PAG1: variants seen among roughly 807,000 people sequenced by gnomAD.
PAG1 encodes the protein phosphoprotein associated with glycosphingolipid-enriched microdomains 1.
Under a neutral mutation model 31.7 loss-of-function variants are expected in PAG1, and 23 were observed. That is an observed-to-expected ratio of 0.73 (90% CI 0.52 to 1.03). The LOEUF is 1.03. Ranked by LOEUF, PAG1 falls within the 50% of genes least tolerant of loss-of-function variation. The pLI is 0.00. For synonymous variants in PAG1, 214 were observed against 210.3 expected, an observed-to-expected ratio of 1.02 and a Z score of -0.15; for missense variants, 473 against 540.7, an observed-to-expected ratio of 0.87 and a Z score of 1.24.
rs143409066 is a variant in PAG1, at chr8:80,994,985, C to T, written c.-80-1678G>A. 6.7e-3 allele frequency among the ~76,000 whole-genome samples: 1,025 copies of T among 152,240 alleles called. 12 individuals are homozygous for T. Among genetic ancestry groups the T allele is most frequent in the African/African-American group, 0.023 (973 of 41,534 alleles). On this transcript the variant is annotated intron_variant, in intron 3 of 8. Coordinates refer to ENST00000220597, the MANE Select transcript of PAG1 (RefSeq NM_018440.4). ...AAAGCTGTGACTGTTTTCAGCCATC[C>T]CTGAGCACAGACATCAAGACGGCAG...
rs1256448097 is a variant in PAG1 at position 81,111,608 on chromosome 8, G to C, written c.-251C>G. 1 of 152,354 alleles carries C rather than the reference G, an allele frequency of 6.6e-6. No individual in the cohort carries two copies. The highest frequency in any genetic ancestry group is 2.4e-5 in the African/African-American group (1 of 41,456). The allele number at this position is 152,354 out of a possible 1,614,324, so 9.4% of individuals were successfully genotyped here. A position where few individuals can be genotyped will look rare whatever the true frequency, so the allele number is the denominator to read the frequency against. ...CAACTTACTGGGACTCAGGAGGCAG[G>C]GAGTCTTCCTGGCGGACGGCGCTCG... is the stretch of plus-strand genomic sequence containing the variant. On this transcript the variant is annotated 5_prime_UTR_variant, in exon 1 of 9. Transcript: ENST00000220597.
rs144243921 is a variant in PAG1, at chr8:80,994,370, A to G, written c.-80-1063T>C. ...GGGAATAAATAAGACCTATTTATAA[A>G]CAATTGCAAGAGAAGCATAAGAGCT... On this transcript the variant is annotated intron_variant, in intron 3 of 8. Coordinates refer to ENST00000220597, the MANE Select transcript of PAG1 (RefSeq NM_018440.4). Among the ~76,000 whole-genome samples, 7 of 152,340 alleles carry G rather than the reference A, an allele frequency of 4.6e-5. No individual in the cohort carries two copies. The East Asian group carries it at 1.3e-3, about 29-fold the overall frequency.
intron 5 of PAG1, among the ~76,000 whole-genome samples, chr8:80,988,179 T>A (rs2130457425): frequency 6.6e-6 from 1 of 151,940 alleles, no homozygotes; most frequent in South Asian, 2.1e-4. Context: ...AGATATCAAT[T>A]CCCTTAGCTC....
chr8:81,007,899 G>C, intron 3 of PAG1, among the ~76,000 whole-genome samples: 1 of 152,158 alleles, frequency 6.6e-6, no homozygotes, highest in East Asian at 1.9e-4. Context: ...GGGAATCACT[G>C]TGTGCTTATT....
intron 2 of PAG1, chr8:81,067,399 A>G (rs1809026097): frequency 6.6e-6 from 1 of 152,276 alleles, no homozygotes; most frequent in African/African-American, 2.4e-5. Context: ...AAGATTAATT[A>G]GACTGACTGC....
At chr8:81,094,731 A>G (rs1477778936) in intron 1 of PAG1, among the ~76,000 whole-genome samples, 1 of 152,226 alleles carries the variant, frequency 6.6e-6, no homozygotes, top group Non-Finnish European at 1.5e-5. Flanking sequence ...GTTCTATCCC[A>G]AGATGGGATA....
intron 1 of PAG1, among the ~76,000 whole-genome samples, chr8:81,091,722 A>T (rs1809448976): frequency 6.6e-6 from 1 of 152,180 alleles, no homozygotes; most frequent in East Asian, 1.9e-4. Context: ...TCACAGTAGG[A>T]CTTGGTAAAT....
At chr8:81,047,688 G>A (rs1586186996) in intron 2 of PAG1, among the ~76,000 whole-genome samples, 1 of 152,144 alleles carries the variant, frequency 6.6e-6, no homozygotes, top group Admixed American at 6.5e-5. Context: ...GTCTTTTAGA[G>A]GTAGCTTCTA....
intron 2 of PAG1, among the ~76,000 whole-genome samples, chr8:81,055,047 T>C (rs976815383): frequency 6.6e-6 from 1 of 151,708 alleles, no homozygotes; most frequent in African/African-American, 2.4e-5. Context: ...AGACACTAAC[T>C]CATCACTGAA....
intron 1 of PAG1, among the ~76,000 whole-genome samples, chr8:81,110,049 T>C (rs565687157): frequency 6.6e-6 from 1 of 152,326 alleles, no homozygotes; most frequent in Non-Finnish European, 1.5e-5. Flanking sequence ...TTTCTTAGTA[T>C]TCCTAAAAAA....
chr8:81,080,855 A>G (rs1452855390), intron 1 of PAG1, among the ~76,000 whole-genome samples: 1 of 152,146 alleles, frequency 6.6e-6, no homozygotes, highest in Non-Finnish European at 1.5e-5. Flanking sequence ...TTTGATAGGA[A>G]AAGTCTTGAA....
At chr8:81,049,054 G>T (rs1164455263) in intron 2 of PAG1, among the ~76,000 whole-genome samples, 5 of 152,150 alleles carry the variant, frequency 3.3e-5, no homozygotes, top group Admixed American at 3.3e-4. Context: ...ATCATTACAG[G>T]CAGGGTGAAT....
chr8:81,000,053 G>A (rs6992197), intron 3 of PAG1, among the ~76,000 whole-genome samples: 152,302 of 152,302 alleles, frequency 1, 76,151 homozygotes, highest in Non-Finnish European at 1. Flanking sequence ...AGCACGGGTA[G>A]TGGGGATTCA....
chr8:80,968,813 T>C lies in PAG1; in HGVS notation c.*7731A>G, dbSNP rs1807016981. On this transcript the variant is annotated 3_prime_UTR_variant, in exon 9 of 9. Transcript: ENST00000220597. Reference sequence around the variant, plus strand: ...ATAATAAGTTAAATCTTTGAGATAATTTTTCTCATTTACACACATTTACTC... The same window carrying C: ...ATAATAAGTTAAATCTTTGAGATAACTTTTCTCATTTACACACATTTACTC... The C allele has an allele frequency of 1.3e-5, 2 of 152,168 alleles. No individual in the cohort carries two copies. The highest frequency in any genetic ancestry group is 1.3e-4 in the Admixed American group (2 of 15,288). 9.4% of individuals were successfully genotyped at this position (152,168 alleles called of 1,614,324 possible).
rs140028635 is a variant in PAG1 at position 81,001,316 on chromosome 8, T to C, written c.-80-8009A>G. On this transcript the variant is annotated intron_variant, in intron 3 of 8. Transcript: ENST00000220597. ...GCACCCAGTAGGCACTTAATATTTA[T>C]TGGATGAATTAATAGTTAAGAGGAA... is the stretch of plus-strand genomic sequence containing the variant. 3.0e-4 allele frequency among the ~76,000 whole-genome samples: 46 copies of C among 152,302 alleles called. 1 individual carries two copies. In the East Asian group the frequency reaches 8.1e-3, roughly 27 times the overall value.
At chr8:81,063,387 T>G (rs898078633) in intron 2 of PAG1, among the ~76,000 whole-genome samples, 1 of 152,230 alleles carries the variant, frequency 6.6e-6, no homozygotes, top group Non-Finnish European at 1.5e-5. Flanking sequence ...GAGACTGGTC[T>G]GGAGCTCTCT....
chr8:81,006,038 G>T (rs548019077), intron 3 of PAG1, among the ~76,000 whole-genome samples: 109 of 152,204 alleles, frequency 7.2e-4, no homozygotes, highest in Non-Finnish European at 1.2e-3. Context: ...TGCCACCCAG[G>T]TTCAAGCAAT....
chr8:81,031,188 T>C (rs945186020), intron 2 of PAG1, among the ~76,000 whole-genome samples: 47 of 152,354 alleles, frequency 3.1e-4, no homozygotes, highest in African/African-American at 1.1e-3. Context: ...CCCTGACAGT[T>C]AGAAAGTGAG....
chr8:81,038,921 TCA>T (rs1301634178), intron 2 of PAG1, among the ~76,000 whole-genome samples: 1 of 152,218 alleles, frequency 6.6e-6, no homozygotes, highest in Non-Finnish European at 1.5e-5. Context: ...ATGCTCACTA[TCA>T]CAGAGATAGT....
Sources: gnomAD v4.1 joint callset for allele counts (sites outside exome capture counted in the v4.1 genomes callset) on GRCh38, gnomAD v4.1.1 for gene constraint, MANE v1.5 for transcripts, NCBI Gene and HGNC (gene_info 2026-07-23, HGNC 2026-07-21) for gene names.